Variants in PARG observed in about 807,000 individuals in gnomAD.
PARG encodes mitochondrial poly(ADP-ribose) glycohydrolase.
In PARG, 35 loss-of-function variants were observed where a neutral mutation model predicts 113.0. The observed-to-expected ratio is 0.31, with a 90% CI of 0.24 to 0.41. The LOEUF (loss-of-function observed/expected upper bound fraction) is 0.41, where lower values mean the gene tolerates loss of function less well. PARG is among the 10% of genes least tolerant of loss of function. The probability of loss-of-function intolerance (pLI) is 1.00; values close to 1 mark genes in which losing one functional copy is unlikely to be tolerated. For missense variants in PARG, 797 were observed against 1,169.4 expected (o/e 0.68, Z 4.64); for synonymous variants, 330 against 409.9 (o/e 0.81, Z 2.36).
intron 16 of PARG, among the ~76,000 whole-genome samples, chr10:49,823,786 A>T (rs1161793692): frequency 6.6e-6 from 1 of 152,180 alleles, no homozygotes; most frequent in Admixed American, 6.6e-5. Context: ...TTCCTACTAG[A>T]TCTCTAGTCA....
At chr10:49,898,207 T>A in intron 7 of PARG, among the ~76,000 whole-genome samples, 1 of 152,256 alleles carries the variant, frequency 6.6e-6, no homozygotes, top group Non-Finnish European at 1.5e-5. Context: ...AACTTTAACT[T>A]ACAGAGTTAC....
At chr10:49,899,473 G>A (rs1554843446) in intron 7 of PARG, among the ~76,000 whole-genome samples, 1 of 152,194 alleles carries the variant, frequency 6.6e-6, no homozygotes, top group African/African-American at 2.4e-5. Context: ...TGACAGGCCA[G>A]CCACAGGGTG....
intron 16 of PARG, among the ~76,000 whole-genome samples, chr10:49,827,965 C>A (rs1554829649): frequency 6.6e-6 from 1 of 151,790 alleles, no homozygotes; most frequent in Non-Finnish European, 1.5e-5. Flanking sequence ...TTTTAACAAA[C>A]TAACCAGTGA....
Position 49,933,861 on chromosome 10 carries a change from T to C in PARG, c.587A>G (p.His196Arg). The change falls in exon 3 of 18, where the codon CAC becomes CGC. Residue 196 changes from histidine (H) to arginine (R), a missense_variant. Coordinates refer to ENST00000616448, the MANE Select transcript of PARG (RefSeq NM_003631.5). The part of the protein sequence containing the change: ...NIDRSPQNDD[H>R]SDTDSEENRD... ...ATTCTCTTCACTATCTGTGTCACTG[T>C]GATCATCATTTTGAGGTGACCGATC... 1 of 1,596,638 alleles carries C rather than the reference T, an allele frequency of 6.3e-7. No individual in the cohort carries two copies. The highest frequency in any genetic ancestry group is 8.6e-7 in the Non-Finnish European group (1 of 1,163,998).
At chr10:49,869,967 C>G (rs1564624172) in intron 9 of PARG, among the ~76,000 whole-genome samples, 1 of 152,084 alleles carries the variant, frequency 6.6e-6, no homozygotes, top group African/African-American at 2.4e-5. Context: ...AAATCCTTAT[C>G]TGAGTGTTTG....
At position 49,908,043 on chromosome 10, in the gene PARG, C is replaced by T. The variant is rs1405009898; in HGVS notation, c.1737+7874G>A. 5.9e-5 allele frequency among the ~76,000 whole-genome samples: 9 copies of T among 152,294 alleles called. No homozygotes were observed. In the South Asian group the frequency reaches 1.9e-3, roughly 32 times the overall value. ...AATTTTCACTTTTCAGTATCTATAA[C>T]TTCTAACCTCTTTGTCCACCACATA... is the stretch of plus-strand genomic sequence containing the variant. On this transcript the variant is annotated intron_variant, in intron 7 of 17. Transcript: ENST00000616448.
At chr10:49,841,139 GT>G (rs1845214761) in intron 15 of PARG, among the ~76,000 whole-genome samples, 1 of 152,240 alleles carries the variant, frequency 6.6e-6, no homozygotes, top group African/African-American at 2.4e-5. Flanking sequence ...TGTAATCTCA[GT>G]TACTTGGGAG....
chr10:49,931,644 G>A (rs1259146724), intron 4 of PARG, among the ~76,000 whole-genome samples: 13 of 141,032 alleles, frequency 9.2e-5, no homozygotes, highest in East Asian at 2.1e-4. Context: ...TCTGATCCCC[G>A]AATGCTCGAG....
chr10:49,864,923 G>C (rs1457572635), intron 11 of PARG, among the ~76,000 whole-genome samples: 1 of 141,874 alleles, frequency 7.0e-6, no homozygotes, highest in Non-Finnish European at 1.5e-5. Flanking sequence ...ATAATAAAAA[G>C]ACTTTTCTCA....
chr10:49,933,824 T>G lies in PARG; in HGVS notation c.624A>C (p.Gln208His). The change falls in exon 3 of 18, where the codon CAA becomes CAC. Residue 208 changes from glutamine to histidine, a missense_variant. This residue lies in a region of PARG where 284 missense variants were observed against 306.1 expected (regional missense o/e 0.93). Coordinates refer to ENST00000616448, the MANE Select transcript of PARG (RefSeq NM_003631.5). ...DTDSEENRDN[Q>H]QFLTTVKLAN... The stretch of plus-strand genomic sequence containing the variant: ...CAAGCTTTACAGTTGTGAGAAACTG[T>G]TGATTGTCTCTATTCTCTTCACTAT... The G allele has an allele frequency of 6.2e-7, 1 of 1,612,302 alleles. No homozygotes were observed. Among genetic ancestry groups the G allele is most frequent in the African/African-American group, 1.3e-5 (1 of 75,028 alleles).
chr10:49,852,705 C>T (rs1205067218), intron 13 of PARG, among the ~76,000 whole-genome samples: 2 of 151,228 alleles, frequency 1.3e-5, no homozygotes, highest in East Asian at 1.9e-4. Context: ...GCTGGGACTA[C>T]GGGCACACAC....
rs1257988687 is a variant in PARG, at chr10:49,902,181, A to C, written c.1737+13736T>G. ...TTTTCAGACATATGTAGATACAACT[A>C]CAGATGATTAAATCTGTAGCTTTTT... is the stretch of plus-strand genomic sequence containing the variant. On this transcript the variant is annotated intron_variant, in intron 7 of 17. Transcript: ENST00000616448. Among the ~76,000 whole-genome samples the C allele has an allele frequency of 2.0e-5, 3 of 152,208 alleles. No individual in the cohort carries two copies. The South Asian group carries it at 6.2e-4, about 31-fold the overall frequency.
intron 7 of PARG, chr10:49,909,492 C>T (rs1216668655): frequency 6.6e-6 from 1 of 152,152 alleles, no homozygotes; most frequent in Admixed American, 6.6e-5. Flanking sequence ...ATAATACATG[C>T]CTCAATTTTG....
chr10:49,846,511 C>T (rs1213456200), intron 13 of PARG, among the ~76,000 whole-genome samples: 1 of 151,756 alleles, frequency 6.6e-6, no homozygotes, highest in Non-Finnish European at 1.5e-5. Flanking sequence ...GAACTGTAAA[C>T]AAATAATGAA....
intron 7 of PARG, among the ~76,000 whole-genome samples, chr10:49,894,637 T>C (rs1847987312): frequency 6.6e-6 from 1 of 152,212 alleles, no homozygotes; most frequent in African/African-American, 2.4e-5. Flanking sequence ...ACACTTCTTT[T>C]CCCTTGTTGT....
chr10:49,829,245 A>T (rs1844530950), intron 16 of PARG, among the ~76,000 whole-genome samples: 1 of 152,138 alleles, frequency 6.6e-6, no homozygotes, highest in African/African-American at 2.4e-5. Flanking sequence ...CAAAATAAAA[A>T]AAAAAAAATT....
chr10:49,879,706 T>C lies in PARG; in HGVS notation c.1955A>G (p.Glu652Gly). ...GTTAATGTCTGGGTAACTAGAATAC[T>C]CCGATTTCATCTTAGCATTTCGTCG... ...FPRRNAKMKS[E>G]YSSYPDINFN... Residue 652 changes from glutamate (E) to glycine (G), a missense_variant, in exon 9 of 18, where the codon GAG becomes GGG. Glu to Gly is a moderately conservative substitution (Grantham distance 98, BLOSUM62 -2). This residue lies in a region of PARG where 252 missense variants were observed against 437.4 expected (regional missense o/e 0.58). Coordinates refer to ENST00000616448, the MANE Select transcript of PARG (RefSeq NM_003631.5). The C allele has an allele frequency of 1.3e-6, 2 of 1,563,894 alleles. No homozygotes were observed. The highest frequency in any genetic ancestry group is 2.3e-5 in the South Asian group (2 of 85,114).
In PARG at chr10:49,933,492, T is replaced by C; in HGVS notation, c.956A>G (p.Asp319Gly). The change falls in exon 3 of 18, where the codon GAT (aspartate) becomes GGT (glycine). Residue 319 changes from aspartate (D) to glycine (G), a missense_variant. Around this residue, in one of 5 missense-constraint regions of PARG, gnomAD observed 252 missense variants for 437.4 expected, o/e 0.58. Coordinates refer to ENST00000616448, the MANE Select transcript of PARG (RefSeq NM_003631.5). ...SKNSCQDSEA[D>G]EETSPGFDEQ... ...ATCAAAACCTGGACTTGTCTCCTCA[T>C]CTGCTTCTGAGTCTTGACAACTATT... The C allele has an allele frequency of 6.8e-6, 11 of 1,610,332 alleles. No homozygotes were observed. In the South Asian group the frequency reaches 1.1e-4, roughly 16 times the overall value.
At chr10:49,822,252 G>A (rs1844135825) in intron 16 of PARG, among the ~76,000 whole-genome samples, 1 of 152,008 alleles carries the variant, frequency 6.6e-6, no homozygotes, top group African/African-American at 2.4e-5. Flanking sequence ...GTATGTGTGT[G>A]TATGCACATA....
Sources: allele counts gnomAD v4.1 joint callset (sites outside exome capture counted in the v4.1 genomes callset), GRCh38; gene constraint gnomAD v4.1.1; regional missense constraint gnomAD v4.1.1; transcripts MANE v1.5; gene names NCBI Gene and HGNC (gene_info 2026-07-23, HGNC 2026-07-21).